MAP4K3: variants seen among roughly 807,000 people sequenced by gnomAD.
MAP4K3 encodes mitogen-activated protein kinase kinase kinase kinase 3.
In MAP4K3, 94 loss-of-function variants were observed where a neutral mutation model predicts 143.5. The ratio of observed to expected loss-of-function variants is 0.65; its 90% CI spans 0.55 to 0.78. The LOEUF is 0.78. Among genes scored for constraint, MAP4K3 ranks in the 30% least tolerant of loss-of-function variants. The pLI, the probability that MAP4K3 is intolerant of heterozygous loss-of-function variation, is 0.00. For synonymous variants in MAP4K3, 416 were observed against 347.2 expected, an observed-to-expected ratio of 1.20 and a Z score of -2.20; for missense variants, 1,077 against 1,068.1, an observed-to-expected ratio of 1.01 and a Z score of -0.12.
chr2:39,392,122 T>A (rs1666679805), intron 1 of MAP4K3, among the ~76,000 whole-genome samples: 1 of 131,776 alleles, frequency 7.6e-6, no homozygotes, highest in Admixed American at 9.5e-5. Context: ...GAGGTGGAGG[T>A]TGCAGTGAGC....
chr2:39,260,787 G>T lies in MAP4K3; in HGVS notation c.2137-10C>A. On this transcript the variant is annotated splice_polypyrimidine_tract_variant and intron_variant, in intron 28 of 33. Transcript: ENST00000263881. Reference sequence around the variant, plus strand: ...TAGGAAAATCTATGTGCTAGAGAAAGAAACAAAAATACATTAAACCAAGGA... The same window carrying T: ...TAGGAAAATCTATGTGCTAGAGAAATAAACAAAAATACATTAAACCAAGGA... The T allele has an allele frequency of 1.3e-6, 2 of 1,587,462 alleles. No homozygotes were observed. Among genetic ancestry groups the T allele is most frequent in the South Asian group, 1.1e-5 (1 of 87,932 alleles).
chr2:39,328,561 G>T (rs184684852), intron 8 of MAP4K3, among the ~76,000 whole-genome samples: 1 of 152,266 alleles, frequency 6.6e-6, no homozygotes, highest in African/African-American at 2.4e-5. Context: ...AGATGCTACG[G>T]ATGGAGGTAG....
intron 31 of MAP4K3, 134 bp from the exon 32 acceptor site, chr2:39,254,654 T>C (rs557477848): frequency 1.6e-6 from 1 of 608,784 alleles, no homozygotes; most frequent in East Asian, 2.6e-5. Context: ...TTATATGGCA[T>C]CTTTACATTT....
At chr2:39,308,533 T>A (rs1682801286) in intron 14 of MAP4K3, among the ~76,000 whole-genome samples, 1 of 152,112 alleles carries the variant, frequency 6.6e-6, no homozygotes. Context: ...CCTTAGTACT[T>A]ATTAACAGTT....
intron 4 of MAP4K3, among the ~76,000 whole-genome samples, chr2:39,338,238 TA>T (rs1314015169): frequency 1.3e-5 from 2 of 152,180 alleles, no homozygotes; most frequent in Non-Finnish European, 2.9e-5. Flanking sequence ...TATCATCTCT[TA>T]AACATCAAAA....
At chr2:39,406,581 G>A (rs1407682479) in intron 1 of MAP4K3, among the ~76,000 whole-genome samples, 1 of 152,130 alleles carries the variant, frequency 6.6e-6, no homozygotes, top group African/African-American at 2.4e-5. Flanking sequence ...AAGGCATAAA[G>A]TGAGGAAGGA....
chr2:39,301,050 A>C (rs529071905), intron 15 of MAP4K3, among the ~76,000 whole-genome samples: 37 of 152,296 alleles, frequency 2.4e-4, no homozygotes, highest in Admixed American at 6.5e-4. Context: ...ACTAAAAACT[A>C]AGCCTCAAAA....
At chr2:39,425,029 C>G (rs1301970409) in intron 1 of MAP4K3, among the ~76,000 whole-genome samples, 1 of 151,992 alleles carries the variant, frequency 6.6e-6, no homozygotes, top group African/African-American at 2.4e-5. Context: ...AATCCAAGAC[C>G]AAAAAGACTC....
intron 21 of MAP4K3, 56 bp downstream of exon 21, chr2:39,286,796 C>A (rs1681795166): frequency 9.1e-7 from 1 of 1,101,048 alleles, no homozygotes; most frequent in African/African-American, 1.6e-5. Context: ...ATAAAACTAA[C>A]TTAACAGTTA....
chr2:39,257,922 T>C (rs1478516575), intron 31 of MAP4K3, among the ~76,000 whole-genome samples: 2 of 152,134 alleles, frequency 1.3e-5, no homozygotes, highest in Non-Finnish European at 2.9e-5. Flanking sequence ...TCATATTTAT[T>C]ATATCCTCTA....
At chr2:39,394,171 G>C (rs532304132) in intron 1 of MAP4K3, among the ~76,000 whole-genome samples, 2 of 152,244 alleles carry the variant, frequency 1.3e-5, no homozygotes, top group South Asian at 4.1e-4. Context: ...TGGCCAATAT[G>C]AATACCACTG....
intron 2 of MAP4K3, among the ~76,000 whole-genome samples, chr2:39,367,311 G>C (rs1665949435): frequency 6.6e-6 from 1 of 152,182 alleles, no homozygotes; most frequent in Non-Finnish European, 1.5e-5. Context: ...GGAAGCTGAG[G>C]CAGGTGGACT....
chr2:39,283,509 T>C (rs1475669974), intron 21 of MAP4K3: 1 of 152,184 alleles, frequency 6.6e-6, no homozygotes, highest in Non-Finnish European at 1.5e-5. Context: ...CTTTTAAAAA[T>C]ATATTCTAGG....
At chr2:39,319,091 C>A (rs1419373413) in intron 12 of MAP4K3, among the ~76,000 whole-genome samples, 1 of 152,126 alleles carries the variant, frequency 6.6e-6, no homozygotes, top group Non-Finnish European at 1.5e-5. Context: ...CCTCCCAAAA[C>A]AAAGGATTAT....
At chr2:39,282,947 A>G (rs550545901) in intron 21 of MAP4K3, among the ~76,000 whole-genome samples, 4 of 152,372 alleles carry the variant, frequency 2.6e-5, no homozygotes, top group Admixed American at 6.5e-5. Flanking sequence ...ACAGTAATCC[A>G]TATCGGTCAT....
At chr2:39,326,846 C>T (rs925899757) in intron 8 of MAP4K3, among the ~76,000 whole-genome samples, 1 of 152,162 alleles carries the variant, frequency 6.6e-6, no homozygotes, top group African/African-American at 2.4e-5. Context: ...CGAGTGCTCT[C>T]TCCTGCCACC....
intron 12 of MAP4K3, among the ~76,000 whole-genome samples, chr2:39,325,255 T>C (rs995840977): frequency 6.6e-6 from 1 of 152,232 alleles, no homozygotes; most frequent in African/African-American, 2.4e-5. Flanking sequence ...TTGAAATAAC[T>C]ACAGTGATTT....
intron 31 of MAP4K3, among the ~76,000 whole-genome samples, 182 bp from the exon 32 acceptor site, chr2:39,254,702 C>G (rs1428049496): frequency 6.6e-6 from 1 of 152,140 alleles, no homozygotes; most frequent in Non-Finnish European, 1.5e-5. Context: ...GCTTATGCAT[C>G]TTTTTGGTAG....
chr2:39,363,432 C>G (rs964669396), intron 2 of MAP4K3, among the ~76,000 whole-genome samples: 1 of 152,146 alleles, frequency 6.6e-6, no homozygotes, highest in Non-Finnish European at 1.5e-5. Flanking sequence ...CTTTTGGAGG[C>G]CGAGGTGGGT....
Sources: gnomAD v4.1 joint callset for allele counts (sites outside exome capture counted in the v4.1 genomes callset) on GRCh38, gnomAD v4.1.1 for gene constraint, MANE v1.5 for transcripts, NCBI Gene and HGNC (gene_info 2026-07-23, HGNC 2026-07-21) for gene names.